Variants in GADL1 observed in about 807,000 individuals in gnomAD.
The protein encoded by GADL1 is acidic amino acid decarboxylase GADL1.
Under a neutral mutation model 69.5 loss-of-function variants are expected in GADL1, and 71 were observed. That is an observed-to-expected ratio of 1.02 (90% CI 0.84 to 1.25). The LOEUF (loss-of-function observed/expected upper bound fraction) is 1.25. Ranked by LOEUF, GADL1 falls within the 50% of genes most tolerant of loss-of-function variation. The pLI is 0.00. For missense variants in GADL1, 737 were observed against 631.8 expected, an observed-to-expected ratio of 1.17 and a Z score of -1.79; for synonymous variants, 254 against 214.4, an observed-to-expected ratio of 1.18 and a Z score of -1.62.
intron 1 of GADL1, among the ~76,000 whole-genome samples, chr3:30,870,901 G>A (rs573217626): frequency 1.3e-5 from 2 of 151,728 alleles, no homozygotes; most frequent in Admixed American, 6.6e-5. Context: ...CTGGGGAAAA[G>A]CAAGTTAGAC....
intron 12 of GADL1, among the ~76,000 whole-genome samples, chr3:30,795,040 A>G (rs995798637): frequency 1.3e-5 from 2 of 152,190 alleles, no homozygotes; most frequent in African/African-American, 4.8e-5. Flanking sequence ...GAGCCTGCCA[A>G]TAACGTGCTC....
chr3:30,760,129 C>G (rs1696093144), intron 14 of GADL1, among the ~76,000 whole-genome samples: 1 of 152,066 alleles, frequency 6.6e-6, no homozygotes, highest in East Asian at 1.9e-4. Flanking sequence ...ATAATTCTTT[C>G]AAAGAAAACT....
At chr3:30,873,048 T>C (rs1698514342) in intron 1 of GADL1, among the ~76,000 whole-genome samples, 1 of 151,926 alleles carries the variant, frequency 6.6e-6, no homozygotes, top group Non-Finnish European at 1.5e-5. Context: ...GGTCAGTGTG[T>C]ATAGTGCAGT....
At chr3:30,888,479 A>G (rs1253465552) in intron 1 of GADL1, among the ~76,000 whole-genome samples, 1 of 152,150 alleles carries the variant, frequency 6.6e-6, no homozygotes, top group East Asian at 1.9e-4. Context: ...GGAAGGAGAG[A>G]GAAGAGGGGT....
chr3:30,833,401 AATGTCTTCCCAT>A lies in GADL1; in HGVS notation c.1050+440_1050+451del, dbSNP rs1575226133. Among the ~76,000 whole-genome samples, 2 of 152,206 alleles carry A rather than the reference AATGTCTTCCCAT, an allele frequency of 1.3e-5. 1 individual carries two copies. ...AGTGTTCGAAGATCAGCCCTGAACA[AATGTCTTCCCAT>A]ATAAACGGGCTGTTAAGCCCTAGCT... On this transcript the variant is annotated intron_variant, in intron 11 of 14. Coordinates refer to ENST00000282538, the MANE Select transcript of GADL1 (RefSeq NM_207359.3).
intron 14 of GADL1, among the ~76,000 whole-genome samples, chr3:30,769,996 T>G (rs1696381555): frequency 1.9e-5 from 1 of 53,332 alleles, no homozygotes. Flanking sequence ...AAACAAAGGG[T>G]TCACGTAATC....
At chr3:30,745,371 C>A (rs1207246187) in intron 14 of GADL1, among the ~76,000 whole-genome samples, 4 of 152,018 alleles carry the variant, frequency 2.6e-5, no homozygotes, top group African/African-American at 9.7e-5. Flanking sequence ...CAATTAGATC[C>A]CTAATTATAT....
At chr3:30,732,960 G>A (rs889981193) in intron 14 of GADL1, among the ~76,000 whole-genome samples, 2 of 152,042 alleles carry the variant, frequency 1.3e-5, no homozygotes, top group Non-Finnish European at 2.9e-5. Context: ...GGGAGGCTGC[G>A]GCACGGGACG....
intron 1 of GADL1, among the ~76,000 whole-genome samples, chr3:30,882,937 C>T (rs918081180): frequency 2.6e-5 from 4 of 151,720 alleles, no homozygotes; most frequent in Admixed American, 6.6e-5. Context: ...AGCATCTTTG[C>T]GTACATTTGT....
intron 11 of GADL1, among the ~76,000 whole-genome samples, chr3:30,805,772 C>G (rs1302093034): frequency 8.9e-6 from 1 of 112,328 alleles, no homozygotes; most frequent in Non-Finnish European, 1.6e-5. Flanking sequence ...CACCAGGGAC[C>G]AGTGCTCATG....
intron 11 of GADL1, among the ~76,000 whole-genome samples, chr3:30,803,975 A>G (rs1490698503): frequency 6.6e-6 from 1 of 152,232 alleles, no homozygotes; most frequent in Non-Finnish European, 1.5e-5. Flanking sequence ...AATAAATATT[A>G]GTAACATGGC....
intron 13 of GADL1, among the ~76,000 whole-genome samples, chr3:30,783,905 G>A (rs535770057): frequency 1.5e-4 from 23 of 151,926 alleles, no homozygotes; most frequent in Non-Finnish European, 1.9e-4. Flanking sequence ...CTTTTTAATC[G>A]GCCCATCTTT....
intron 4 of GADL1, among the ~76,000 whole-genome samples, chr3:30,852,527 AAGAT>A (rs1461412234): frequency 6.6e-6 from 1 of 152,128 alleles, no homozygotes; most frequent in African/African-American, 2.4e-5. Context: ...AAAATTTAAA[AAGAT>A]AGATTCTGTT....
At chr3:30,759,612 T>C (rs1276709921) in intron 14 of GADL1, among the ~76,000 whole-genome samples, 1 of 146,452 alleles carries the variant, frequency 6.8e-6, no homozygotes, top group African/African-American at 2.6e-5. Context: ...TATTCCACAT[T>C]TTGTACATTG....
chr3:30,795,113 G>T (rs944771206), intron 12 of GADL1, among the ~76,000 whole-genome samples: 1 of 152,132 alleles, frequency 6.6e-6, no homozygotes, highest in African/African-American at 2.4e-5. Context: ...ACTGAAAGAA[G>T]TTACGCTTCT....
At chr3:30,780,807 C>A (rs1354486351) in intron 13 of GADL1, among the ~76,000 whole-genome samples, 2 of 152,190 alleles carry the variant, frequency 1.3e-5, no homozygotes, top group African/African-American at 4.8e-5. Flanking sequence ...TGACACTTCA[C>A]TTCATTGGAA....
chr3:30,862,280 G>A (rs1698331817), intron 1 of GADL1, among the ~76,000 whole-genome samples: 1 of 152,000 alleles, frequency 6.6e-6, no homozygotes, highest in African/African-American at 2.4e-5. Flanking sequence ...TACCACAGGA[G>A]AGTTCGAGAT....
intron 11 of GADL1, among the ~76,000 whole-genome samples, chr3:30,821,755 T>G (rs1697585570): frequency 6.6e-6 from 1 of 151,596 alleles, no homozygotes; most frequent in African/African-American, 2.4e-5. Context: ...AAAGAGTGAA[T>G]ATAGACTTAC....
chr3:30,783,981 G>C (rs1230202206), intron 13 of GADL1, among the ~76,000 whole-genome samples: 2 of 151,986 alleles, frequency 1.3e-5, no homozygotes, highest in East Asian at 3.9e-4. Context: ...CTTTTCATAA[G>C]CACTATAGCT....
Sources: allele counts gnomAD v4.1 joint callset (sites outside exome capture counted in the v4.1 genomes callset), GRCh38; gene constraint gnomAD v4.1.1; transcripts MANE v1.5; gene names NCBI Gene and HGNC (gene_info 2026-07-23, HGNC 2026-07-21).